Variants in HTR2A observed in about 807,000 individuals in gnomAD.
The protein encoded by HTR2A is 5-HT2 receptor.
HTR2A carries 14 observed loss-of-function variants against 31.0 expected under a neutral mutation model. The ratio of observed to expected loss-of-function variants is 0.45; its 90% CI spans 0.30 to 0.71. The LOEUF (loss-of-function observed/expected upper bound fraction) is 0.71. Among genes scored for constraint, HTR2A ranks in the 30% least tolerant of loss-of-function variants. HTR2A has a pLI of 0.09. For missense variants in HTR2A, 442 were observed against 573.3 expected, an observed-to-expected ratio of 0.77 and a Z score of 2.34; for synonymous variants, 209 against 225.2, an observed-to-expected ratio of 0.93 and a Z score of 0.64.
chr13:46,845,827 ATATCT>A (rs1222374716), intron 3 of HTR2A, among the ~76,000 whole-genome samples: 5 of 152,182 alleles, frequency 3.3e-5, no homozygotes, highest in Non-Finnish European at 7.3e-5. Context: ...AAGGAAAATA[ATATCT>A]TATCATAGTC....
intron 3 of HTR2A, among the ~76,000 whole-genome samples, chr13:46,850,514 G>A (rs1386690534): frequency 6.6e-6 from 1 of 152,214 alleles, no homozygotes; most frequent in Non-Finnish European, 1.5e-5. Flanking sequence ...TCTATGCTCT[G>A]TAGCCTCAGC....
rs553601344 is a variant in HTR2A at position 46,859,122 on chromosome 13, G to A, written c.614-23483C>T. ...ACAGATACTCAACATGTTAAAAATG[G>A]CCAAAATATAACTTGGTATTTGCAG... On this transcript the variant is annotated intron_variant, in intron 3 of 3. Coordinates refer to ENST00000542664, the MANE Select transcript of HTR2A (RefSeq NM_000621.5). Among the ~76,000 whole-genome samples the A allele has an allele frequency of 2.0e-5, 3 of 152,232 alleles. No homozygotes were observed. The South Asian group carries it at 6.2e-4, about 32-fold the overall frequency.
At chr13:46,863,500 G>A (rs890090403) in intron 3 of HTR2A, among the ~76,000 whole-genome samples, 1 of 151,112 alleles carries the variant, frequency 6.6e-6, no homozygotes. Flanking sequence ...GAGTGTGCCT[G>A]TAGTCCCAGC....
chr13:46,877,901 A>C (rs1241960631), intron 3 of HTR2A, among the ~76,000 whole-genome samples: 2 of 152,090 alleles, frequency 1.3e-5, no homozygotes, highest in African/African-American at 4.8e-5. Flanking sequence ...GAAGATTAAA[A>C]AATGAAAGTG....
upstream of HTR2A, chr13:46,897,073 T>C: frequency 2.0e-6 from 1 of 493,926 alleles, no homozygotes; most frequent in East Asian, 3.9e-5. Context: ...GTTCATTTCA[T>C]CAGACCTCCC....
At chr13:46,875,847 G>C (rs1315350655) in intron 3 of HTR2A, among the ~76,000 whole-genome samples, 1 of 152,228 alleles carries the variant, frequency 6.6e-6, no homozygotes, top group Non-Finnish European at 1.5e-5. Context: ...AGCACAACTA[G>C]AGAAAGCAGG....
chr13:46,886,099 C>A (rs1009610092), intron 3 of HTR2A, among the ~76,000 whole-genome samples: 3 of 152,148 alleles, frequency 2.0e-5, no homozygotes, highest in Non-Finnish European at 2.9e-5. Flanking sequence ...ATGGCATCTG[C>A]ATTTTTTGAC....
At chr13:46,877,363 T>C (rs1950923699) in intron 3 of HTR2A, among the ~76,000 whole-genome samples, 1 of 152,114 alleles carries the variant, frequency 6.6e-6, no homozygotes, top group African/African-American at 2.4e-5. Flanking sequence ...CAACAGCTCT[T>C]TTTTTAAGCA....
chr13:46,894,726 T>C (rs185075092), intron 2 of HTR2A, among the ~76,000 whole-genome samples: 2 of 152,330 alleles, frequency 1.3e-5, no homozygotes, highest in East Asian at 3.9e-4. Flanking sequence ...TTGGAAAGAA[T>C]ATCACATTCT....
At chr13:46,897,398 T>C (rs1951113109), upstream of HTR2A, among the ~76,000 whole-genome samples, 1 of 152,198 alleles carries the variant, frequency 6.6e-6, no homozygotes, top group East Asian at 1.9e-4. Flanking sequence ...TTACTGACAT[T>C]GGCCACATAG....
chr13:46,832,306 A>G lies in HTR2A; in HGVS notation c.*2531T>C, dbSNP rs1876273115. On this transcript the variant is annotated 3_prime_UTR_variant, in exon 4 of 4. Coordinates refer to ENST00000542664, the MANE Select transcript of HTR2A (RefSeq NM_000621.5). Reference sequence around the variant, plus strand: ...GTGTATATACTGAGTGTTTTCATTGACTTGCTTTTCGTCCATATAAATATA... The same window carrying G: ...GTGTATATACTGAGTGTTTTCATTGGCTTGCTTTTCGTCCATATAAATATA... 6.6e-6 allele frequency: 1 copy of G among 152,218 alleles called. No homozygotes were observed. Among genetic ancestry groups the G allele is most frequent in the Non-Finnish European group, 1.5e-5 (1 of 68,036 alleles). The allele number at this position is 152,218 out of a possible 1,614,324, so 9.4% of individuals were successfully genotyped here.
At chr13:46,889,580 G>C (rs1951034527) in intron 3 of HTR2A, among the ~76,000 whole-genome samples, 2 of 152,140 alleles carry the variant, frequency 1.3e-5, no homozygotes, top group African/African-American at 4.8e-5. Context: ...ATGTAAGACA[G>C]TATTACATTT....
intron 3 of HTR2A, among the ~76,000 whole-genome samples, chr13:46,889,766 C>T (rs1348206581): frequency 6.6e-6 from 1 of 152,150 alleles, no homozygotes; most frequent in Admixed American, 6.5e-5. Context: ...AAAAACTAAA[C>T]CCAAAGCAAA....
rs528421078 is a variant in HTR2A, at chr13:46,895,312, T to C, written c.412+183A>G. ...TCCAGTGATCACAGGTCATAGACTG[T>C]CTGATTTTTATGTGAAATCCCATTT... On this transcript the variant is annotated intron_variant, in intron 2 of 3. Coordinates refer to ENST00000542664, the MANE Select transcript of HTR2A (RefSeq NM_000621.5). This position sits in a 1 kb window ranked among gnomAD's most constrained non-coding sequence, Gnocchi z 4.4. The C allele has an allele frequency of 3.6e-5, 22 of 603,526 alleles. No homozygotes were observed. The Admixed American group carries it at 3.9e-4, about 11-fold the overall frequency. 37.4% of individuals were successfully genotyped at this position (603,526 alleles called of 1,614,324 possible).
At chr13:46,860,064 C>T (rs988281128) in intron 3 of HTR2A, among the ~76,000 whole-genome samples, 1 of 152,144 alleles carries the variant, frequency 6.6e-6, no homozygotes, top group Non-Finnish European at 1.5e-5. Context: ...GTCCCCCAGC[C>T]CTTACTCATT....
intron 3 of HTR2A, among the ~76,000 whole-genome samples, chr13:46,840,541 G>A (rs1210002134): frequency 6.6e-6 from 1 of 152,168 alleles, no homozygotes; most frequent in Non-Finnish European, 1.5e-5. Context: ...TGGGGCAGAT[G>A]AAAATCTCAC....
rs1204467164 is a variant in HTR2A at position 46,832,071 on chromosome 13, A to C, written c.*2766T>G. ...AGGGCCCAAAGGTACCATTTTATTTAGGATCAAGAAACTATATATGTGGAC... is the reference window on the plus strand; with the variant it reads ...AGGGCCCAAAGGTACCATTTTATTTCGGATCAAGAAACTATATATGTGGAC... On this transcript the variant is annotated 3_prime_UTR_variant, in exon 4 of 4. Coordinates refer to ENST00000542664, the MANE Select transcript of HTR2A (RefSeq NM_000621.5). 1 of 152,228 alleles carries C rather than the reference A, an allele frequency of 6.6e-6. No homozygotes were observed. Among genetic ancestry groups the C allele is most frequent in the Non-Finnish European group, 1.5e-5 (1 of 68,026 alleles). The allele number at this position is 152,228 out of a possible 1,614,324, so 9.4% of individuals were successfully genotyped here. A position where few individuals can be genotyped will look rare whatever the true frequency, so the allele number is the denominator to read the frequency against.
chr13:46,841,779 A>C (rs1950599253), intron 3 of HTR2A, among the ~76,000 whole-genome samples: 1 of 152,154 alleles, frequency 6.6e-6, no homozygotes, highest in Non-Finnish European at 1.5e-5. Context: ...AAGAGATTGA[A>C]TTCTGGCTTG....
intron 2 of HTR2A, among the ~76,000 whole-genome samples, chr13:46,894,094 T>C (rs919995189): frequency 7.2e-5 from 11 of 152,178 alleles, no homozygotes; most frequent in African/African-American, 1.4e-4. Context: ...CCTCAGTCCG[T>C]GTTTCTGATG....
Sources: gnomAD v4.1 joint callset for allele counts (sites outside exome capture counted in the v4.1 genomes callset) on GRCh38, gnomAD v4.1.1 for gene constraint, Gnocchi (gnomAD v3.1) non-coding constraint, MANE v1.5 for transcripts, NCBI Gene and HGNC (gene_info 2026-07-23, HGNC 2026-07-21) for gene names.